The following PLCZ1 variants were observed in gnomAD, a reference collection of about 807,000 sequenced individuals.
The protein encoded by PLCZ1 is phospholipase C zeta 1.
In PLCZ1, 64 loss-of-function variants were observed where a neutral mutation model predicts 76.8. That is an observed-to-expected ratio of 0.83 (90% confidence interval 0.68 to 1.03). PLCZ1 has a LOEUF of 1.03. Ranked by LOEUF, PLCZ1 falls within the 50% of genes least tolerant of loss-of-function variation. The pLI, the probability that PLCZ1 is intolerant of heterozygous loss-of-function variation, is 0.00. For missense variants in PLCZ1, 751 were observed against 713.7 expected, an observed-to-expected ratio of 1.05 and a Z score of -0.60; for synonymous variants, 248 against 230.8, an observed-to-expected ratio of 1.07 and a Z score of -0.68.
At chr12:18,702,843 C>T (rs144542165) in intron 7 of PLCZ1, among the ~76,000 whole-genome samples, 2,060 of 94,820 alleles carry the variant, frequency 0.022, 51 homozygotes, top group African/African-American at 0.085. Flanking sequence ...TTTTTTGAGA[C>T]GGAGTCTCAC....
chr12:18,666,346 G>T, the PLCZ1 span, among the ~76,000 whole-genome samples: 1 of 151,914 alleles, frequency 6.6e-6, no homozygotes, highest in Non-Finnish European at 1.5e-5. Context: ...CTGTCTACAA[G>T]ACACTCCTTA....
Position 18,695,071 on chromosome 12 carries a change from T to C in PLCZ1, c.1300A>G (p.Asn434Asp), listed in dbSNP as rs754761342. Residue 434 changes from asparagine (N) to aspartate (D), a missense_variant, in exon 12 of 15, where the codon AAT becomes GAT. Coordinates refer to ENST00000266505, the MANE Select transcript of PLCZ1 (RefSeq NM_033123.4). ...ATGGGCAGACCAGGGGTCTGGAAAT[T>C]TAAAGCCACTGTAAGAAAGAAGTAT... ...WNIGCQMVALNFQTPGLPMDL... is the reference protein window; with the variant it reads ...WNIGCQMVALDFQTPGLPMDL... The C allele has an allele frequency of 1.8e-5, 29 of 1,612,590 alleles. No individual in the cohort carries two copies. The East Asian group carries it at 6.5e-4, about 36-fold the overall frequency.
the PLCZ1 span, among the ~76,000 whole-genome samples, chr12:18,676,664 A>G: frequency 6.6e-6 from 1 of 152,198 alleles, no homozygotes. Context: ...GCAGGACTAT[A>G]GTATAAGCAT....
intron 12 of PLCZ1, among the ~76,000 whole-genome samples, chr12:18,689,840 A>C (rs890888758): frequency 6.6e-6 from 1 of 152,162 alleles, no homozygotes; most frequent in Non-Finnish European, 1.5e-5. Context: ...TTATAGTAAA[A>C]CTTGGCTCTC....
At chr12:18,731,153 C>CA (rs1264518260) in intron 3 of PLCZ1, 1 of 151,962 alleles carries the variant, frequency 6.6e-6, no homozygotes, top group East Asian at 1.9e-4. Flanking sequence ...TGTTGGAAGA[C>CA]AATTCTCCAT....
intron 1 of PLCZ1, 148 bp from the exon 2 acceptor site, chr12:18,737,657 C>A (rs1043593884): frequency 3.7e-6 from 2 of 535,678 alleles, no homozygotes; most frequent in African/African-American, 3.8e-5. Context: ...TTCTGACCAC[C>A]TCCAAACCCA....
the PLCZ1 span, among the ~76,000 whole-genome samples, chr12:18,660,248 C>G: frequency 6.6e-6 from 1 of 152,100 alleles, no homozygotes; most frequent in Non-Finnish European, 1.5e-5. Flanking sequence ...GATCAGCTTG[C>G]ACACAGCTTG....
At chr12:18,672,483 G>GCC in the PLCZ1 span, among the ~76,000 whole-genome samples, 2 of 152,002 alleles carry the variant, frequency 1.3e-5, no homozygotes. Flanking sequence ...ATAAATCTAG[G>GCC]TTAAAACAAC....
intron 3 of PLCZ1, among the ~76,000 whole-genome samples, chr12:18,730,695 A>G (rs573210107): frequency 9.2e-5 from 14 of 152,284 alleles, no homozygotes; most frequent in Non-Finnish European, 1.9e-4. Context: ...CATTCTATGT[A>G]ATGCTTTTAA....
intron 12 of PLCZ1, among the ~76,000 whole-genome samples, chr12:18,691,227 G>A (rs754319010): frequency 6.6e-6 from 1 of 152,130 alleles, no homozygotes; most frequent in African/African-American, 2.4e-5. Flanking sequence ...TTTCTAGTCC[G>A]AGCAGAGTGG....
the PLCZ1 span, among the ~76,000 whole-genome samples, chr12:18,646,250 TA>T: frequency 6.6e-6 from 1 of 152,106 alleles, no homozygotes; most frequent in Admixed American, 6.6e-5. Context: ...TTTGAATAAA[TA>T]AAAGTAACCA....
In PLCZ1 at chr12:18,696,332, A is replaced by G; in HGVS notation, c.1175-66T>C. The G allele has an allele frequency of 1.1e-5, 2 of 177,918 alleles. 1 individual carries two copies. Among genetic ancestry groups the G allele is most frequent in the South Asian group, 2.7e-4 (2 of 7,394 alleles). 11.0% of individuals were successfully genotyped at this position (177,918 alleles called of 1,614,324 possible). Reference sequence around the variant, plus strand: ...AAATTTAAAAAGCCACTATATATATATATATATATATATATATATCATATA... The same window carrying G: ...AAATTTAAAAAGCCACTATATATATGTATATATATATATATATATCATATA... On this transcript the variant is annotated intron_variant, in intron 10 of 14. Transcript: ENST00000266505.
At chr12:18,693,547 G>A in intron 12 of PLCZ1, 1 of 1,610,152 alleles carries the variant, frequency 6.2e-7, no homozygotes, top group Non-Finnish European at 8.5e-7. Context: ...AACTTATTCA[G>A]AAGTACCTAG....
the PLCZ1 span, among the ~76,000 whole-genome samples, chr12:18,669,223 G>T: frequency 6.6e-6 from 1 of 152,144 alleles, no homozygotes; most frequent in Non-Finnish European, 1.5e-5. Flanking sequence ...CCCACAGCTA[G>T]TAGGTAGCAA....
intron 3 of PLCZ1, among the ~76,000 whole-genome samples, chr12:18,730,546 T>C (rs1282720871): frequency 6.6e-6 from 1 of 152,056 alleles, no homozygotes. Context: ...AAACTCTGTG[T>C]CTCTAATTTT....
At chr12:18,645,830 T>G in the PLCZ1 span, among the ~76,000 whole-genome samples, 2 of 152,194 alleles carry the variant, frequency 1.3e-5, no homozygotes, top group Non-Finnish European at 2.9e-5. Context: ...AACTTACAAT[T>G]TATGACTTAT....
downstream of PLCZ1, among the ~76,000 whole-genome samples, chr12:18,680,809 G>C (rs1215146472): frequency 6.6e-6 from 1 of 152,018 alleles, no homozygotes; most frequent in Non-Finnish European, 1.5e-5. Flanking sequence ...TGGATTAAAT[G>C]ATCTGGGGGA....
chr12:18,728,418 T>C (rs1360060388), intron 3 of PLCZ1, among the ~76,000 whole-genome samples: 1 of 152,134 alleles, frequency 6.6e-6, no homozygotes, highest in East Asian at 1.9e-4. Flanking sequence ...GTCTTCAACG[T>C]TCAGGATAGA....
the PLCZ1 span, among the ~76,000 whole-genome samples, chr12:18,657,781 T>G: frequency 6.6e-6 from 1 of 152,040 alleles, no homozygotes; most frequent in African/African-American, 2.4e-5. Context: ...CAAAAAATTG[T>G]GAAGTGTGCA....
Sources: gnomAD v4.1 joint callset for allele counts (sites outside exome capture counted in the v4.1 genomes callset) on GRCh38, gnomAD v4.1.1 for gene constraint, MANE v1.5 for transcripts, NCBI Gene and HGNC (gene_info 2026-07-23, HGNC 2026-07-21) for gene names.